IPPK: variants seen among roughly 807,000 people sequenced by gnomAD.
The protein encoded by IPPK is IPK1 homolog.
IPPK carries 22 observed loss-of-function variants against 64.6 expected under a neutral mutation model. That is an observed-to-expected ratio of 0.34 (90% confidence interval 0.24 to 0.49). The LOEUF is 0.49. Among genes scored for constraint, IPPK ranks in the 20% least tolerant of loss-of-function variants. IPPK has a pLI of 0.99. For synonymous variants in IPPK, 262 were observed against 247.2 expected (o/e 1.06, Z -0.56); for missense variants, 532 against 630.7 (o/e 0.84, Z 1.68).
intron 3 of IPPK, among the ~76,000 whole-genome samples, chr9:92,653,036 A>G (rs1452111377): frequency 6.6e-6 from 1 of 152,156 alleles, no homozygotes; most frequent in Non-Finnish European, 1.5e-5. Context: ...ACCCTTACTG[A>G]CCACTCAGAC....
intron 8 of IPPK, among the ~76,000 whole-genome samples, chr9:92,639,416 A>G (rs1852004837): frequency 6.6e-6 from 1 of 152,226 alleles, no homozygotes; most frequent in African/African-American, 2.4e-5. Context: ...ACCGGACCAG[A>G]TCGGCGGGAG....
At position 92,635,447 on chromosome 9, in the gene IPPK, A is replaced by G; in HGVS notation, c.917-139T>C. 1 of 854,954 alleles carries G rather than the reference A, an allele frequency of 1.2e-6. No homozygotes were observed. 53.0% of individuals were successfully genotyped at this position (854,954 alleles called of 1,614,324 possible). A position where few individuals can be genotyped will look rare whatever the true frequency, so the allele number is the denominator to read the frequency against. ...ACCACAGGCAAGGACTGCACCCTGG[A>G]CTGGCACTAAGGACAGACGAGATGA... On this transcript the variant is annotated intron_variant, in intron 9 of 12. Coordinates refer to ENST00000287996, the MANE Select transcript of IPPK (RefSeq NM_022755.6). This position sits in a 1 kb window ranked among gnomAD's most constrained non-coding sequence, Gnocchi z 4.4.
At chr9:92,640,854 G>A (rs904653502) in intron 7 of IPPK, 72 bp from the exon 8 acceptor site, 59 of 1,062,470 alleles carry the variant, frequency 5.6e-5, no homozygotes, top group South Asian at 8.7e-5. Flanking sequence ...ACACCTGCTC[G>A]TGGCTCAGAG....
intron 3 of IPPK, among the ~76,000 whole-genome samples, chr9:92,654,915 A>G (rs1428578735): frequency 2.0e-5 from 3 of 152,212 alleles, no homozygotes; most frequent in Non-Finnish European, 4.4e-5. Flanking sequence ...AGAGCGTCCA[A>G]CCTCACCAGG....
rs528238853 is a variant in IPPK at position 92,660,550 on chromosome 9, A to G, written c.82-1869T>C. ...GCTGCACAATGGACTTTTGTAGCAA[A>G]GCAGTCCTGATCAGGGTGATGCCAG... On this transcript the variant is annotated intron_variant, in intron 1 of 12. Transcript: ENST00000287996. Among the ~76,000 whole-genome samples, 3 of 152,386 alleles carry G rather than the reference A, an allele frequency of 2.0e-5. No homozygotes were observed. The East Asian group carries it at 5.8e-4, about 29-fold the overall frequency.
rs987990907 is a variant in IPPK, at chr9:92,635,883, T to G, written c.917-575A>C. Among the ~76,000 whole-genome samples, 1 of 151,704 alleles carries G rather than the reference T, an allele frequency of 6.6e-6. No homozygotes were observed. Among genetic ancestry groups the G allele is most frequent in the African/African-American group, 2.4e-5 (1 of 41,272 alleles). ...AAACCCTGGGACACTGTCTGCAGAG[T>G]CCAGAGCCATGAGCCCACACTGAGA... On this transcript the variant is annotated intron_variant, in intron 9 of 12. Coordinates refer to ENST00000287996, the MANE Select transcript of IPPK (RefSeq NM_022755.6). The surrounding 1 kb of genome is among the most constrained non-coding windows in gnomAD (Gnocchi z 4.4).
At chr9:92,633,365 T>C (rs1040005525) in intron 11 of IPPK, among the ~76,000 whole-genome samples, 1 of 142,004 alleles carries the variant, frequency 7.0e-6, no homozygotes, top group Non-Finnish European at 1.5e-5. Flanking sequence ...AAATGTAAAA[T>C]ACCAAAAAAA....
chr9:92,633,951 C>T (rs987564538), intron 11 of IPPK, among the ~76,000 whole-genome samples: 1 of 152,224 alleles, frequency 6.6e-6, no homozygotes, highest in African/African-American at 2.4e-5. Flanking sequence ...CTAAGAGACT[C>T]CTGCAGGCTG....
chr9:92,615,207 T>C lies in IPPK; in HGVS notation c.*625A>G, dbSNP rs1851395967. 1 of 152,490 alleles carries C rather than the reference T, an allele frequency of 6.6e-6. No homozygotes were observed. Among genetic ancestry groups the C allele is most frequent in the African/African-American group, 2.4e-5 (1 of 41,370 alleles). 9.4% of individuals were successfully genotyped at this position (152,490 alleles called of 1,614,324 possible). On this transcript the variant is annotated 3_prime_UTR_variant, in exon 13 of 13. Coordinates refer to ENST00000287996, the MANE Select transcript of IPPK (RefSeq NM_022755.6). ...GTGGTGTCCATCCTGACCTGAGCCT[T>C]GCGCTCCCTGCTGCCCTGTGTGGAA...
At chr9:92,626,423 G>A (rs577390681) in intron 11 of IPPK, among the ~76,000 whole-genome samples, 1 of 152,084 alleles carries the variant, frequency 6.6e-6, no homozygotes, top group African/African-American at 2.4e-5. Flanking sequence ...CTACTGAAAT[G>A]GAAAACTCGA....
At position 92,623,189 on chromosome 9, in the gene IPPK, C is replaced by T. The variant is rs1027989099; in HGVS notation, c.1171-3624G>A. ...ATGACTCACACCTGTAATCGCAGCA[C>T]TTTGGGAGGCCGAGGCAAGCGGATC... On this transcript the variant is annotated intron_variant, in intron 11 of 12. Transcript: ENST00000287996. 3.3e-5 allele frequency among the ~76,000 whole-genome samples: 5 copies of T among 152,216 alleles called. No homozygotes were observed. The East Asian group carries it at 5.8e-4, about 18-fold the overall frequency.
At chr9:92,649,721 A>G in intron 4 of IPPK, 147 bp from the exon 5 acceptor site, 1 of 985,732 alleles carries the variant, frequency 1.0e-6, no homozygotes, top group East Asian at 2.5e-5. Context: ...GGATTGTGGG[A>G]CACACACAGT....
At chr9:92,666,623 C>G (rs1253030793) in intron 1 of IPPK, among the ~76,000 whole-genome samples, 1 of 152,162 alleles carries the variant, frequency 6.6e-6, no homozygotes, top group East Asian at 1.9e-4. Flanking sequence ...CCACATGAGG[C>G]AGAGAACACC....
intron 1 of IPPK, among the ~76,000 whole-genome samples, chr9:92,659,345 G>A (rs1258791386): frequency 1.3e-5 from 2 of 152,110 alleles, no homozygotes; most frequent in African/African-American, 4.8e-5. Context: ...CTTTTCTGCA[G>A]GTACGTTACA....
At position 92,658,652 on chromosome 9, in the gene IPPK, A is replaced by C. The variant is rs781099496; in HGVS notation, c.111T>G (p.Phe37Leu). The C allele has an allele frequency of 1.2e-6, 2 of 1,614,086 alleles. No homozygotes were observed. ...ATCTTACCTTCTTCCTATTTGGAGGAAACTTCAGAAACCGCAGCACGACGC... is the reference window on the plus strand; with the variant it reads ...ATCTTACCTTCTTCCTATTTGGAGGCAACTTCAGAAACCGCAGCACGACGC... Reference protein sequence around the residue: ...QRCVVLRFLKFPPNRKKTSEE... With the variant: ...QRCVVLRFLKLPPNRKKTSEE... The change falls in exon 2 of 13, where the codon TTT becomes TTG. Residue 37 changes from phenylalanine (F) to leucine (L), a missense_variant. Coordinates refer to ENST00000287996, the MANE Select transcript of IPPK (RefSeq NM_022755.6).
intron 1 of IPPK, 105 bp from the exon 2 acceptor site, chr9:92,658,786 A>G: frequency 9.7e-7 from 1 of 1,029,084 alleles, no homozygotes; most frequent in South Asian, 1.4e-5. Flanking sequence ...TCCACAGTGA[A>G]GCTCCACAGC....
rs567739652 is a variant in IPPK, at chr9:92,624,109, G to A, written c.1171-4544C>T. Among the ~76,000 whole-genome samples the A allele has an allele frequency of 3.3e-5, 5 of 152,324 alleles. No homozygotes were observed. The East Asian group carries it at 9.6e-4, about 29-fold the overall frequency. On this transcript the variant is annotated intron_variant, in intron 11 of 12. Transcript: ENST00000287996. ...CCCAACACTTTGGGACACCAGGTGG[G>A]AGGACTGCTTGAGCCCAGGAGATCG...
chr9:92,614,312 T>C lies in IPPK; in HGVS notation c.*1520A>G, dbSNP rs7024536. 0.055 allele frequency: 8,465 copies of C among 152,792 alleles called. 306 individuals carry two copies. Among genetic ancestry groups the C allele is most frequent in the African/African-American group, 0.089 (3,692 of 41,524 alleles). The allele number at this position is 152,792 out of a possible 1,614,324, so 9.5% of individuals were successfully genotyped here. A position where few individuals can be genotyped will look rare whatever the true frequency, so the allele number is the denominator to read the frequency against. ...CCAGCCCAGCAACAGTGAACTCCCT[T>C]GGGTCAAGACAGTACTCAACGGCCA... On this transcript the variant is annotated 3_prime_UTR_variant, in exon 13 of 13. Coordinates refer to ENST00000287996, the MANE Select transcript of IPPK (RefSeq NM_022755.6).
intron 1 of IPPK, 93 bp from the exon 2 acceptor site, chr9:92,658,774 A>T: frequency 5.3e-6 from 6 of 1,133,658 alleles, no homozygotes; most frequent in Non-Finnish European, 6.6e-6. Flanking sequence ...CAGTGGACAA[A>T]GTCCACAGTG....
Sources: allele counts gnomAD v4.1 joint callset (sites outside exome capture counted in the v4.1 genomes callset), GRCh38; gene constraint gnomAD v4.1.1; non-coding constraint Gnocchi (gnomAD v3.1); transcripts MANE v1.5; gene names NCBI Gene and HGNC (gene_info 2026-07-23, HGNC 2026-07-21).